Variants in NEMF observed in about 807,000 individuals in gnomAD.
The protein encoded by NEMF is ribosome quality control complex subunit NEMF.
In NEMF, 89 loss-of-function variants were observed where a neutral mutation model predicts 162.2. That is an observed-to-expected ratio of 0.55 (90% CI 0.46 to 0.65). NEMF has a LOEUF of 0.65. NEMF is among the 30% of genes least tolerant of loss of function. NEMF has a pLI of 0.00. For missense variants in NEMF, 1,133 were observed against 1,261.9 expected (o/e 0.90, Z 1.55); for synonymous variants, 421 against 404.5 (o/e 1.04, Z -0.49).
intron 16 of NEMF, 23 bp downstream of exon 16, chr14:49,825,843 AT>A: frequency 1.4e-6 from 2 of 1,429,120 alleles, no homozygotes; most frequent in African/African-American, 1.4e-5. Flanking sequence ...CAAAAACTGT[AT>A]TTGAAAGAGA....
intron 18 of NEMF, among the ~76,000 whole-genome samples, chr14:49,812,049 G>A (rs1014697193): frequency 5.3e-5 from 8 of 152,038 alleles, no homozygotes; most frequent in African/African-American, 1.4e-4. Context: ...GGTTTTCTTT[G>A]ATGAGTATTT....
intron 3 of NEMF, among the ~76,000 whole-genome samples, chr14:49,847,762 T>C (rs965583933): frequency 6.8e-6 from 1 of 147,504 alleles, no homozygotes; most frequent in Non-Finnish European, 1.5e-5. Context: ...CCAGGAGCGG[T>C]GGCTCAGGCC....
chr14:49,824,352 G>A (rs1381697413), intron 16 of NEMF, among the ~76,000 whole-genome samples: 1 of 151,910 alleles, frequency 6.6e-6, no homozygotes, highest in Non-Finnish European at 1.5e-5. Flanking sequence ...AGACCAGGGT[G>A]GCAAGTAAGG....
chr14:49,846,675 G>A (rs1241824992), intron 3 of NEMF, among the ~76,000 whole-genome samples: 1 of 152,148 alleles, frequency 6.6e-6, no homozygotes, highest in East Asian at 1.9e-4. Context: ...ATGTTGCCCA[G>A]GCTAATCTCA....
intron 8 of NEMF, among the ~76,000 whole-genome samples, chr14:49,832,898 T>C (rs1892713056): frequency 6.6e-6 from 1 of 152,198 alleles, no homozygotes; most frequent in South Asian, 2.1e-4. Context: ...GAAGAGCCGA[T>C]ACTAACCTGA....
rs754476684 is a variant in NEMF, at chr14:49,806,049, G to A, written c.1829C>T (p.Thr610Ile). ...ATGATGGTACACCCACCAAGCACTA[G>A]TGATAACTCGTGCATCCCAAGCAGC... ...YSAAWDARVI[T>I]SAWWVYHHQV... is the part of the protein sequence containing the mutation. Residue 610 changes from threonine (T) to isoleucine (I), a missense_variant, in exon 19 of 33, where the codon ACT (threonine) becomes ATT (isoleucine). Around this residue, in one of 3 missense-constraint regions of NEMF, gnomAD observed 532 missense variants for 578.6 expected, o/e 0.92. Transcript: ENST00000298310. 28 of 1,610,766 alleles carry A rather than the reference G, an allele frequency of 1.7e-5. No homozygotes were observed. The highest frequency in any genetic ancestry group is 2.3e-5 in the Non-Finnish European group (27 of 1,178,672).
chr14:49,784,536 T>G lies in NEMF; in HGVS notation c.*100A>C. On this transcript the variant is annotated 3_prime_UTR_variant, in exon 33 of 33. Coordinates refer to ENST00000298310, the MANE Select transcript of NEMF (RefSeq NM_004713.6). Reference sequence around the variant, plus strand: ...TATAGCAAGGCAATGTTTAGTTCATTTTTATAATGCGGAAATCCTGATACA... The same window carrying G: ...TATAGCAAGGCAATGTTTAGTTCATGTTTATAATGCGGAAATCCTGATACA... The G allele has an allele frequency of 4.9e-6, 4 of 817,088 alleles. No homozygotes were observed. The South Asian group carries it at 6.8e-5, about 14-fold the overall frequency. The allele number at this position is 817,088 out of a possible 1,614,324, so 50.6% of individuals were successfully genotyped here.
In NEMF at chr14:49,783,022, C is replaced by G. The variant is rs973595016; in HGVS notation, c.*1614G>C. 2 of 1,506,610 alleles carry G rather than the reference C, an allele frequency of 1.3e-6. No homozygotes were observed. Among genetic ancestry groups the G allele is most frequent in the East Asian group, 2.3e-5 (1 of 43,654 alleles). 93.3% of individuals were successfully genotyped at this position (1,506,610 alleles called of 1,614,324 possible). A position where few individuals can be genotyped will look rare whatever the true frequency, so the allele number is the denominator to read the frequency against. On this transcript the variant is annotated 3_prime_UTR_variant, in exon 33 of 33. Coordinates refer to ENST00000298310, the MANE Select transcript of NEMF (RefSeq NM_004713.6). ...TCCTGTAAACATCACAGAGTGGCAT[C>G]ATTTGTATAATTATATGCATTGTTG...
At chr14:49,815,450 C>G (rs936643519) in intron 16 of NEMF, among the ~76,000 whole-genome samples, 2 of 152,072 alleles carry the variant, frequency 1.3e-5, no homozygotes, top group South Asian at 4.1e-4. Context: ...ACATGCAAGA[C>G]AGATGAACAT....
chr14:49,833,475 G>A lies in NEMF; in HGVS notation c.683C>T (p.Ser228Phe). The A allele has an allele frequency of 6.3e-7, 1 of 1,584,734 alleles. No individual in the cohort carries two copies. The highest frequency in any genetic ancestry group is 8.6e-7 in the Non-Finnish European group (1 of 1,160,462). Residue 228 changes from serine to phenylalanine, a missense_variant, in exon 8 of 33, where the codon TCT becomes TTT. Physicochemically the swap from Ser to Phe is radical, Grantham distance 155. Around this residue, in one of 3 missense-constraint regions of NEMF, gnomAD observed 582 missense variants for 631.5 expected, o/e 0.92. Coordinates refer to ENST00000298310, the MANE Select transcript of NEMF (RefSeq NM_004713.6). ...CATATAGTCTTCTGCTTTCTGCAGA[G>A]AAACAAGTACTTTTTCAATATCTAA... ...ETKDIEKVLV[S>F]LQKAEDYMKT...
chr14:49,831,390 A>G (rs768953879), intron 10 of NEMF, 29 bp from the exon 11 acceptor site: 81 of 1,360,378 alleles, frequency 6.0e-5, no homozygotes, highest in African/African-American at 8.7e-5. Flanking sequence ...AACTAGTTGG[A>G]AAAAAAAGCA....
chr14:49,786,308 A>G (rs577307667), intron 29 of NEMF: 1 of 171,684 alleles, frequency 5.8e-6, no homozygotes, highest in South Asian at 1.4e-4. Context: ...GAAATCCCAG[A>G]GTTCTTATTT....
At chr14:49,810,295 G>A (rs772387247) in intron 18 of NEMF, among the ~76,000 whole-genome samples, 2 of 150,986 alleles carry the variant, frequency 1.3e-5, no homozygotes, top group Non-Finnish European at 3.0e-5. Context: ...GTGAACCCAG[G>A]AGGCAGAGCT....
intron 16 of NEMF, 96 bp downstream of exon 16, chr14:49,825,770 TA>T: frequency 1.3e-6 from 1 of 790,252 alleles, no homozygotes; most frequent in Non-Finnish European, 2.0e-6. Context: ...ACTGGTTTTG[TA>T]ACAAGCTTTG....
intron 18 of NEMF, among the ~76,000 whole-genome samples, chr14:49,809,324 T>C (rs190289160): frequency 5.3e-5 from 8 of 152,252 alleles, no homozygotes; most frequent in Admixed American, 3.9e-4. Flanking sequence ...AACTGAATAT[T>C]ATTCAGGGAT....
At chr14:49,811,413 T>C (rs1428492423) in intron 18 of NEMF, among the ~76,000 whole-genome samples, 2 of 65,380 alleles carry the variant, frequency 3.1e-5, no homozygotes, top group Non-Finnish European at 6.1e-5. Flanking sequence ...AGCTTTACTT[T>C]TGCCTAATTT....
intron 10 of NEMF, 124 bp from the exon 11 acceptor site, chr14:49,831,485 G>A (rs1892635671): frequency 7.8e-6 from 5 of 643,854 alleles, no homozygotes; most frequent in East Asian, 5.4e-5. Flanking sequence ...TTGCCCAGGC[G>A]GGACTGCAGT....
In NEMF at chr14:49,785,011, A is replaced by G; in HGVS notation, c.3074-7T>C. 6.2e-7 allele frequency: 1 copy of G among 1,612,916 alleles called. No individual in the cohort carries two copies. The highest frequency in any genetic ancestry group is 8.5e-7 in the Non-Finnish European group (1 of 1,179,032). ...TTCAAGGCTGTTTTTGCAGCTGTAA[A>G]TACAAAAAAGAGTAAGAATAATCTA... On this transcript the variant is annotated splice_region_variant and splice_polypyrimidine_tract_variant and intron_variant, in intron 31 of 32. Transcript: ENST00000298310.
intron 26 of NEMF, among the ~76,000 whole-genome samples, chr14:49,794,648 GA>G (rs899507632): frequency 2.6e-4 from 36 of 140,150 alleles, no homozygotes; most frequent in Non-Finnish European, 5.3e-4. Context: ...AAATTGAAAA[GA>G]AATTTAAATT....
Sources: allele counts gnomAD v4.1 joint callset (sites outside exome capture counted in the v4.1 genomes callset), GRCh38; gene constraint gnomAD v4.1.1; regional missense constraint gnomAD v4.1.1; transcripts MANE v1.5; gene names NCBI Gene and HGNC (gene_info 2026-07-23, HGNC 2026-07-21).